CYB5A: variants seen among roughly 807,000 people sequenced by gnomAD.
CYB5A encodes the protein cytochrome b5 type A, also known as cytochrome b5.
In CYB5A, 10 loss-of-function variants were observed where a neutral mutation model predicts 16.2. That is an observed-to-expected ratio of 0.62 (90% CI 0.38 to 1.04). The LOEUF (loss-of-function observed/expected upper bound fraction) is 1.04, where lower values mean the gene tolerates loss of function less well. Among genes scored for constraint, CYB5A ranks in the 50% least tolerant of loss-of-function variants. The probability of loss-of-function intolerance (pLI) is 0.01; values close to 1 mark genes in which losing one functional copy is unlikely to be tolerated. For synonymous variants in CYB5A, 62 were observed against 57.0 expected (o/e 1.09, Z -0.40); for missense variants, 161 against 165.9 (o/e 0.97, Z 0.16).
intron 3 of CYB5A, chr18:74,256,386 G>C: frequency 5.5e-6 from 1 of 181,620 alleles, no homozygotes; most frequent in Admixed American, 5.5e-5. Flanking sequence ...CGTCACACTT[G>C]TCACCAGCTG....
chr18:74,267,218 G>A lies in CYB5A; in HGVS notation c.130-3741C>T, dbSNP rs536481616. Among the ~76,000 whole-genome samples the A allele has an allele frequency of 1.4e-4, 22 of 151,870 alleles. No homozygotes were observed. In the East Asian group the frequency reaches 2.3e-3, roughly 16 times the overall value. ...GTCACCCAGGCTGGAGTGCAGTGAC[G>A]CAATTTCAGCTCACTGCAACCTCCG... On this transcript the variant is annotated intron_variant, in intron 1 of 4. Transcript: ENST00000340533.
In CYB5A at chr18:74,273,162, T is replaced by C. The variant is rs533338741; in HGVS notation, c.130-9685A>G. On this transcript the variant is annotated intron_variant, in intron 1 of 4. Coordinates refer to ENST00000340533, the MANE Select transcript of CYB5A (RefSeq NM_148923.4). Reference sequence around the variant, plus strand: ...TGAAGTGTTAGCTGAATGGTATCAATATCTTCAAGGAAAGACGAGGTCATC... The same window carrying C: ...TGAAGTGTTAGCTGAATGGTATCAACATCTTCAAGGAAAGACGAGGTCATC... Among the ~76,000 whole-genome samples, 38 of 152,274 alleles carry C rather than the reference T, an allele frequency of 2.5e-4. No individual in the cohort carries two copies. The South Asian group carries it at 6.8e-3, about 27-fold the overall frequency.
At chr18:74,281,146 G>C (rs1380120063) in intron 1 of CYB5A, among the ~76,000 whole-genome samples, 2 of 152,162 alleles carry the variant, frequency 1.3e-5, no homozygotes, top group Non-Finnish European at 2.9e-5. Flanking sequence ...AGAGAAGAGA[G>C]GAGCACAACC....
At chr18:74,260,987 A>C in intron 2 of CYB5A, 43 bp from the exon 3 acceptor site, 1 of 1,501,652 alleles carries the variant, frequency 6.7e-7, no homozygotes, top group Non-Finnish European at 9.3e-7. Context: ...TTAAAAATCT[A>C]TGAAAGTACC....
chr18:74,290,443 C>T (rs1317656886), intron 1 of CYB5A, among the ~76,000 whole-genome samples: 1 of 151,656 alleles, frequency 6.6e-6, no homozygotes, highest in African/African-American at 2.4e-5. Flanking sequence ...TGGGGTTTCG[C>T]CATGTTGGTC....
At position 74,291,744 on chromosome 18, in the gene CYB5A, C is replaced by T; in HGVS notation, c.129+3G>A. 2 of 1,613,834 alleles carry T rather than the reference C, an allele frequency of 1.2e-6. No homozygotes were observed. Among genetic ancestry groups the T allele is most frequent in the Non-Finnish European group, 1.7e-6 (2 of 1,179,784 alleles). On this transcript the variant is annotated splice_donor_region_variant and intron_variant, in intron 1 of 4. Coordinates refer to ENST00000340533, the MANE Select transcript of CYB5A (RefSeq NM_148923.4). ...CGCCCCAAGCCGCTCATCCCCAACT[C>T]ACCTCTTCCAGAAATTTGGTCAAAT... is the stretch of plus-strand genomic sequence containing the variant.
In CYB5A at chr18:74,260,824, C is replaced by G. The variant is rs1982168573; in HGVS notation, c.288+91G>C. The G allele has an allele frequency of 1.3e-5, 14 of 1,037,316 alleles. No individual in the cohort carries two copies. The Admixed American group carries it at 2.2e-4, about 16-fold the overall frequency. 64.3% of individuals were successfully genotyped at this position (1,037,316 alleles called of 1,614,324 possible). ...TATCTAGAAAGACCTGTGCTGGCAT[C>G]AGTCAGGTAAATAAAAACCCTCTGC... On this transcript the variant is annotated intron_variant, in intron 3 of 4. Coordinates refer to ENST00000340533, the MANE Select transcript of CYB5A (RefSeq NM_148923.4).
intron 1 of CYB5A, among the ~76,000 whole-genome samples, chr18:74,287,502 G>T (rs751416054): frequency 2.0e-5 from 3 of 152,174 alleles, no homozygotes; most frequent in Non-Finnish European, 4.4e-5. Flanking sequence ...AAACCTGCTA[G>T]AAAGGACACT....
intron 1 of CYB5A, among the ~76,000 whole-genome samples, chr18:74,264,407 G>A (rs1446664482): frequency 6.6e-6 from 1 of 152,028 alleles, no homozygotes; most frequent in African/African-American, 2.4e-5. Context: ...CTTGACTCCT[G>A]CACCTGAGAC....
intron 1 of CYB5A, among the ~76,000 whole-genome samples, chr18:74,270,862 A>T (rs1037732323): frequency 4.6e-5 from 7 of 152,126 alleles, no homozygotes; most frequent in African/African-American, 1.7e-4. Flanking sequence ...TTTCATATCA[A>T]TTTGTTTCTA....
intron 1 of CYB5A, among the ~76,000 whole-genome samples, chr18:74,287,008 T>C (rs1409357144): frequency 6.6e-6 from 1 of 152,156 alleles, no homozygotes; most frequent in Non-Finnish European, 1.5e-5. Context: ...TATAGAGATA[T>C]ATATAGAAAT....
chr18:74,281,843 T>TGTG (rs1983125453), intron 1 of CYB5A, among the ~76,000 whole-genome samples: 1 of 150,440 alleles, frequency 6.6e-6, no homozygotes, highest in Admixed American at 6.6e-5. Flanking sequence ...TGTGTGTGTG[T>TGTG]TTTGCAGGAA....
intron 3 of CYB5A, chr18:74,256,939 A>G (rs1466249898): frequency 9.9e-6 from 12 of 1,208,118 alleles, no homozygotes; most frequent in Non-Finnish European, 1.3e-5. Context: ...AAATCTTAGC[A>G]TCTATAAAAA....
intron 1 of CYB5A, among the ~76,000 whole-genome samples, chr18:74,280,397 CCTGTCTCTACAAAAAAAAAAAAAA>C (rs1200264848): frequency 6.7e-6 from 1 of 149,604 alleles, no homozygotes; most frequent in African/African-American, 2.5e-5. Context: ...ACGGCAAAAC[CCTGTCTCTACAAAAAAAAAAAAAA>C]AGGGAAATTA....
chr18:74,252,223 G>A lies in CYB5A; in HGVS notation c.*1361C>T, dbSNP rs962516751. On this transcript the variant is annotated 3_prime_UTR_variant, in exon 5 of 5. Coordinates refer to ENST00000340533, the MANE Select transcript of CYB5A (RefSeq NM_148923.4). ...TCACTTCTGAAGAACCTCGTGGTTTGTCAGCTCATGCCAGTGCAAATGCAG... is the reference window on the plus strand; with the variant it reads ...TCACTTCTGAAGAACCTCGTGGTTTATCAGCTCATGCCAGTGCAAATGCAG... 1.3e-5 allele frequency: 2 copies of A among 152,212 alleles called. No homozygotes were observed. Among genetic ancestry groups the A allele is most frequent in the Non-Finnish European group, 2.9e-5 (2 of 68,024 alleles). The allele number at this position is 152,212 out of a possible 1,614,324, so 9.4% of individuals were successfully genotyped here.
At chr18:74,273,781 C>T (rs1632560) in intron 1 of CYB5A, among the ~76,000 whole-genome samples, 3,170 of 152,310 alleles carry the variant, frequency 0.021, 101 homozygotes, top group African/African-American at 0.063. Context: ...ACAGCTCCCC[C>T]GGGGATCACA....
In CYB5A at chr18:74,254,661, A is replaced by G. The variant is rs553041132; in HGVS notation, c.324-996T>C. On this transcript the variant is annotated intron_variant, in intron 4 of 4. Coordinates refer to ENST00000340533, the MANE Select transcript of CYB5A (RefSeq NM_148923.4). Reference sequence around the variant, plus strand: ...CAGCCTCCCGAGTAGCTGGAACTACAGGCGCCCGCCACCATGCCCGGCTAA... The same window carrying G: ...CAGCCTCCCGAGTAGCTGGAACTACGGGCGCCCGCCACCATGCCCGGCTAA... Among the ~76,000 whole-genome samples, 6 of 151,856 alleles carry G rather than the reference A, an allele frequency of 4.0e-5. No homozygotes were observed. The South Asian group carries it at 1.3e-3, about 32-fold the overall frequency.
At chr18:74,288,508 T>C (rs1347142239) in intron 1 of CYB5A, among the ~76,000 whole-genome samples, 1 of 152,248 alleles carries the variant, frequency 6.6e-6, no homozygotes, top group Non-Finnish European at 1.5e-5. Flanking sequence ...AAAGGCTTCA[T>C]GAAATTCTGG....
intron 4 of CYB5A, 144 bp downstream of exon 4, chr18:74,255,597 T>C (rs1238180219): frequency 1.4e-6 from 1 of 717,988 alleles, no homozygotes; most frequent in Non-Finnish European, 2.5e-6. Flanking sequence ...CTGAGTGCTC[T>C]GAACAGTCTG....
Sources: gnomAD v4.1 joint callset for allele counts (sites outside exome capture counted in the v4.1 genomes callset) on GRCh38, gnomAD v4.1.1 for gene constraint, MANE v1.5 for transcripts, NCBI Gene and HGNC (gene_info 2026-07-23, HGNC 2026-07-21) for gene names.